Variants in CUX2 observed in about 807,000 individuals in gnomAD.
CUX2 encodes homeobox protein cut-like 2.
In CUX2, 40 loss-of-function variants were observed where a neutral mutation model predicts 144.8. The ratio of observed to expected loss-of-function variants is 0.28; its 90% CI spans 0.21 to 0.36. CUX2 has a LOEUF of 0.36. Ranked by LOEUF, CUX2 falls within the 10% of genes least tolerant of loss-of-function variation. CUX2 has a pLI of 1.00. For synonymous variants in CUX2, 827 were observed against 875.6 expected (o/e 0.94, Z 0.98); for missense variants, 1,615 against 1,994.0 (o/e 0.81, Z 3.62).
At chr12:111,300,807 G>A (rs147583215) in intron 9 of CUX2, among the ~76,000 whole-genome samples, 42 of 152,280 alleles carry the variant, frequency 2.8e-4, no homozygotes, top group Middle Eastern at 6.8e-3. Flanking sequence ...GGAGGCCGAG[G>A]TGGGATGATC....
chr12:111,322,399 C>A lies in CUX2; in HGVS notation c.2767-22C>A. The A allele has an allele frequency of 1.9e-6, 3 of 1,538,482 alleles. No homozygotes were observed. The highest frequency in any genetic ancestry group is 2.6e-6 in the Non-Finnish European group (3 of 1,140,358). On this transcript the variant is annotated intron_variant, in intron 17 of 21. Transcript: ENST00000261726. This position sits in a 1 kb window ranked among gnomAD's most constrained non-coding sequence, Gnocchi z 4.2. The stretch of plus-strand genomic sequence containing the variant: ...ATGTCCCAGGGGCCTGCTGACCTAC[C>A]CCCCTGGCCCGCCCCTCGCAGGTGC...
At chr12:111,125,578 A>T (rs1205421333) in intron 1 of CUX2, among the ~76,000 whole-genome samples, 3 of 152,210 alleles carry the variant, frequency 2.0e-5, no homozygotes, top group Non-Finnish European at 1.5e-5. Context: ...TCAGTAATTC[A>T]TTCCTTTTTA....
chr12:111,296,325 G>T (rs1442296619), intron 7 of CUX2, 148 bp from the exon 8 acceptor site: 2 of 655,204 alleles, frequency 3.1e-6, no homozygotes, highest in Non-Finnish European at 5.3e-6. Flanking sequence ...ACCGTCACCA[G>T]TTCTGACTGA....
Position 111,246,769 on chromosome 12 carries a change from A to G in CUX2, c.223-16992A>G, listed in dbSNP as rs544720501. ...ATGCAACTGCTCTCCCTCCTGTTGA[A>G]TCAACGGCCTGCCTCTCTTGTGTGA... is the stretch of plus-strand genomic sequence containing the variant. On this transcript the variant is annotated intron_variant, in intron 3 of 21. Coordinates refer to ENST00000261726, the MANE Select transcript of CUX2 (RefSeq NM_015267.4). The surrounding 1 kb of genome is among the most constrained non-coding windows in gnomAD (Gnocchi z 4.0). Among the ~76,000 whole-genome samples, 116 of 152,156 alleles carry G rather than the reference A, an allele frequency of 7.6e-4. No homozygotes were observed. Among genetic ancestry groups the G allele is most frequent in the African/African-American group, 2.6e-3 (110 of 41,512 alleles).
At position 111,310,231 on chromosome 12, in the gene CUX2, C is replaced by T. The variant is rs1300046286; in HGVS notation, c.1449C>T (p.Ser483=). ...CTTTCTCGCTGTCCCCCTTCCCCAG[C>T]CTGGCATCAGGGGAGAGACTGATGA... The part of the protein sequence containing the change: ...TRTFSLSPFP[S]LASGERLMMP... The change falls in exon 15 of 22, where the codon AGC becomes AGT. Residue 483 remains serine (S), a synonymous_variant. Coordinates refer to ENST00000261726, the MANE Select transcript of CUX2 (RefSeq NM_015267.4). This position sits in a 1 kb window ranked among gnomAD's most constrained non-coding sequence, Gnocchi z 7.9. 1 of 1,509,082 alleles carries T rather than the reference C, an allele frequency of 6.6e-7. No individual in the cohort carries two copies. Among genetic ancestry groups the T allele is most frequent in the Non-Finnish European group, 8.9e-7 (1 of 1,129,008 alleles). 93.5% of individuals were successfully genotyped at this position (1,509,082 alleles called of 1,614,324 possible).
chr12:111,135,242 G>A (rs1004386996), intron 1 of CUX2, among the ~76,000 whole-genome samples: 1 of 152,052 alleles, frequency 6.6e-6, no homozygotes, highest in Non-Finnish European at 1.5e-5. Flanking sequence ...GGAGGGTGGG[G>A]TGTGGGATAG....
At chr12:111,201,631 T>C (rs904686403) in intron 1 of CUX2, among the ~76,000 whole-genome samples, 1 of 152,130 alleles carries the variant, frequency 6.6e-6, no homozygotes, top group South Asian at 2.1e-4. Context: ...CTACCCAGCA[T>C]ACAGTGGGCG....
intron 21 of CUX2, among the ~76,000 whole-genome samples, chr12:111,347,140 A>G (rs1936878699): frequency 6.6e-6 from 1 of 152,138 alleles, no homozygotes; most frequent in African/African-American, 2.4e-5. Flanking sequence ...CTTACAGCAC[A>G]TGTCAATGTG....
intron 1 of CUX2, among the ~76,000 whole-genome samples, chr12:111,072,755 G>A (rs1253646270): frequency 6.6e-6 from 1 of 152,166 alleles, no homozygotes; most frequent in African/African-American, 2.4e-5. Flanking sequence ...TTCTATTTAT[G>A]TCCTCTTCCC....
At chr12:111,229,905 TA>T (rs1309533084) in intron 3 of CUX2, among the ~76,000 whole-genome samples, 1 of 151,136 alleles carries the variant, frequency 6.6e-6, no homozygotes, top group Non-Finnish European at 1.5e-5. Flanking sequence ...TCCCAGGTAC[TA>T]GGGGGCCTGA....
Position 111,306,947 on chromosome 12 carries a change from G to A in CUX2, c.885G>A (p.Ser295=), listed in dbSNP as rs200854950. ...ATAAGGTGAACTTCACTCTGTGCTC[G>A]GGCCCTCGGCTGGAGGCCGCGCTGG... ...SGDKVNFTLC[S]GPRLEAALAS... is the part of the protein sequence containing the mutation. The change falls in exon 11 of 22, where the codon TCG becomes TCA. Residue 295 remains serine (S), a synonymous_variant. Transcript: ENST00000261726. The A allele has an allele frequency of 8.4e-5, 136 of 1,611,864 alleles. 4 individuals carry two copies. In the South Asian group the frequency reaches 1.2e-3, roughly 14 times the overall value.
At chr12:111,094,062 C>T (rs1872685541) in intron 1 of CUX2, among the ~76,000 whole-genome samples, 1 of 152,194 alleles carries the variant, frequency 6.6e-6, no homozygotes, top group African/African-American at 2.4e-5. Flanking sequence ...AGTGAACTTT[C>T]AATAGCAGAC....
At chr12:111,306,272 C>T (rs909336006) in intron 10 of CUX2, among the ~76,000 whole-genome samples, 1 of 150,922 alleles carries the variant, frequency 6.6e-6, no homozygotes, top group African/African-American at 2.4e-5. Flanking sequence ...TTTTAATTGG[C>T]ATTTATCTCC....
chr12:111,252,967 C>G (rs1157580785), intron 3 of CUX2, among the ~76,000 whole-genome samples: 1 of 152,004 alleles, frequency 6.6e-6, no homozygotes, highest in Admixed American at 6.6e-5. Context: ...CGTGGCCCCT[C>G]TGTTGCTTTT....
chr12:111,249,977 A>G (rs1159778280), intron 3 of CUX2, among the ~76,000 whole-genome samples: 1 of 152,180 alleles, frequency 6.6e-6, no homozygotes, highest in East Asian at 1.9e-4. Flanking sequence ...TTTGTGTTGC[A>G]AAGTTCTAGG....
At chr12:111,215,613 A>G (rs1057381331) in intron 2 of CUX2, among the ~76,000 whole-genome samples, 7 of 152,226 alleles carry the variant, frequency 4.6e-5, no homozygotes, top group African/African-American at 1.7e-4. Flanking sequence ...CCAAGAAGGC[A>G]TCAGTGATGC....
intron 19 of CUX2, among the ~76,000 whole-genome samples, chr12:111,336,360 GAA>G (rs903761817): frequency 6.7e-6 from 1 of 149,994 alleles, no homozygotes; most frequent in Non-Finnish European, 1.5e-5. Context: ...AAAAGTACAG[GAA>G]AAAAAAAGTT....
chr12:111,067,723 G>T (rs1037637634), intron 1 of CUX2, among the ~76,000 whole-genome samples: 1 of 152,174 alleles, frequency 6.6e-6, no homozygotes, highest in African/African-American at 2.4e-5. Context: ...TTGATAGGCG[G>T]GTCTGGTGCA....
chr12:111,116,648 A>G (rs920522519), intron 1 of CUX2, among the ~76,000 whole-genome samples: 2 of 152,208 alleles, frequency 1.3e-5, no homozygotes, highest in Non-Finnish European at 2.9e-5. Context: ...CCAAGAATGG[A>G]GAGTCCTGTG....
Sources: gnomAD v4.1 joint callset for allele counts (sites outside exome capture counted in the v4.1 genomes callset) on GRCh38, gnomAD v4.1.1 for gene constraint, Gnocchi (gnomAD v3.1) non-coding constraint, MANE v1.5 for transcripts, NCBI Gene and HGNC (gene_info 2026-07-23, HGNC 2026-07-21) for gene names.